C4orf36: variants seen among roughly 807,000 people sequenced by gnomAD.
C4orf36 encodes chromosome 4 open reading frame 36, also known as uncharacterized protein C4orf36.
C4orf36 carries 11 observed loss-of-function variants against 12.2 expected under a neutral mutation model. The observed-to-expected ratio is 0.90, with a 90% confidence interval of 0.57 to 1.49. C4orf36 has a LOEUF of 1.49. Ranked by LOEUF, C4orf36 falls within the 40% of genes most tolerant of loss-of-function variation. The pLI is 0.00. For synonymous variants in C4orf36, 54 were observed against 51.3 expected (o/e 1.05, Z -0.22); for missense variants, 137 against 133.9 (o/e 1.02, Z -0.11).
At chr4:86,910,851 G>C in the C4orf36 span, among the ~76,000 whole-genome samples, 1 of 152,068 alleles carries the variant, frequency 6.6e-6, no homozygotes, top group African/African-American at 2.4e-5. Context: ...GGATCACGAG[G>C]TCAAGAGATC....
At chr4:86,901,279 G>A in the C4orf36 span, among the ~76,000 whole-genome samples, 6 of 152,078 alleles carry the variant, frequency 3.9e-5, no homozygotes, top group African/African-American at 1.4e-4. Context: ...ACTGAGCCCG[G>A]CCAATGGTTC....
chr4:86,906,226 T>C, the C4orf36 span, among the ~76,000 whole-genome samples: 2 of 152,168 alleles, frequency 1.3e-5, no homozygotes, highest in African/African-American at 2.4e-5. Flanking sequence ...TTAAAATCAA[T>C]GTTTATTAAA....
At chr4:86,923,837 CTTAT>C in the C4orf36 span, among the ~76,000 whole-genome samples, 1 of 151,454 alleles carries the variant, frequency 6.6e-6, no homozygotes, top group African/African-American at 2.4e-5. Context: ...ACACCATAAG[CTTAT>C]TTATTTTCTC....
chr4:86,931,239 CTT>C, the C4orf36 span, among the ~76,000 whole-genome samples: 1 of 152,124 alleles, frequency 6.6e-6, no homozygotes, highest in East Asian at 1.9e-4. Flanking sequence ...CGCTCCTCCT[CTT>C]GATTTCTGTT....
the C4orf36 span, among the ~76,000 whole-genome samples, chr4:86,929,801 G>A: frequency 8.5e-5 from 13 of 152,224 alleles, no homozygotes; most frequent in Non-Finnish European, 1.6e-4. Flanking sequence ...ATAAGGAAGG[G>A]AGAGATTTAA....
the C4orf36 span, among the ~76,000 whole-genome samples, chr4:86,930,624 T>C: frequency 2.6e-5 from 4 of 152,268 alleles, no homozygotes; most frequent in African/African-American, 9.6e-5. Flanking sequence ...TGTGTTTTGT[T>C]CCAGCTGCAC....
chr4:86,913,550 G>T, the C4orf36 span: 4 of 1,023,004 alleles, frequency 3.9e-6, no homozygotes, highest in South Asian at 1.4e-5. Flanking sequence ...CGAAAAGAGC[G>T]TTGGGCAGCA....
upstream of C4orf36, among the ~76,000 whole-genome samples, chr4:86,894,770 G>C (rs116762114): frequency 2.5e-3 from 386 of 152,270 alleles, 2 homozygotes; most frequent in African/African-American, 9.1e-3. Context: ...CACCCTAGGA[G>C]AGACTGGCTG....
At chr4:86,880,489 G>A (rs1048439697) in intron 4 of C4orf36, among the ~76,000 whole-genome samples, 5 of 152,086 alleles carry the variant, frequency 3.3e-5, no homozygotes, top group African/African-American at 1.2e-4. Context: ...AAGGGAGTGA[G>A]GTAATATATT....
chr4:86,931,105 G>A, the C4orf36 span, among the ~76,000 whole-genome samples: 5 of 152,136 alleles, frequency 3.3e-5, no homozygotes, highest in Admixed American at 1.3e-4. Context: ...CCTACCCACC[G>A]CATTTAGGAT....
chr4:86,914,254 T>C, the C4orf36 span: 2 of 1,602,756 alleles, frequency 1.2e-6, no homozygotes, highest in Middle Eastern at 1.7e-4. Context: ...TCTTTCTGAC[T>C]CCAGACATAG....
the C4orf36 span, among the ~76,000 whole-genome samples, chr4:86,918,723 G>A: frequency 6.6e-6 from 1 of 152,082 alleles, no homozygotes; most frequent in Non-Finnish European, 1.5e-5. Flanking sequence ...GGAACCCAGG[G>A]GATTTCCTGG....
intron 4 of C4orf36, among the ~76,000 whole-genome samples, chr4:86,885,765 C>T (rs977359435): frequency 6.6e-6 from 1 of 152,172 alleles, no homozygotes; most frequent in Non-Finnish European, 1.5e-5. Context: ...GAGGGCATCC[C>T]TGTCTTGTGC....
chr4:86,876,344 C>T lies in C4orf36; in HGVS notation c.*102G>A. ...GGGGGCCGGGCCAGGATGGCTGCAG[C>T]GCAGCGACGGCCGGGGCCGGGAGCG... On this transcript the variant is annotated 3_prime_UTR_variant, in exon 5 of 5. Transcript: ENST00000295898. 6.5e-7 allele frequency: 1 copy of T among 1,544,962 alleles called. No homozygotes were observed.
chr4:86,888,421 G>GT, intron 2 of C4orf36, 146 bp from the exon 3 acceptor site: 1 of 676,590 alleles, frequency 1.5e-6, no homozygotes, highest in South Asian at 2.0e-5. Flanking sequence ...ATTTTCCAGA[G>GT]TTGTAGTTCC....
the C4orf36 span, among the ~76,000 whole-genome samples, chr4:86,898,281 A>G: frequency 6.6e-6 from 1 of 152,228 alleles, no homozygotes; most frequent in Admixed American, 6.5e-5. Context: ...AGTCCCAGCT[A>G]CTTGGGAAGC....
upstream of C4orf36, among the ~76,000 whole-genome samples, chr4:86,892,961 T>G (rs1747486159): frequency 6.6e-6 from 1 of 152,220 alleles, no homozygotes; most frequent in Admixed American, 6.5e-5. Context: ...AGAACTGGTT[T>G]GGAATTCTAG....
chr4:86,901,430 C>T, the C4orf36 span, among the ~76,000 whole-genome samples: 1 of 151,620 alleles, frequency 6.6e-6, no homozygotes, highest in Non-Finnish European at 1.5e-5. Context: ...TTTTTTGAGA[C>T]GGAGTCTCTA....
chr4:86,910,957 C>CCTGT, the C4orf36 span, among the ~76,000 whole-genome samples: 1 of 151,830 alleles, frequency 6.6e-6, no homozygotes, highest in Admixed American at 6.6e-5. Context: ...GTGGCTTGCA[C>CCTGT]CTGTAGTCCC....
Sources: gnomAD v4.1 joint callset for allele counts (sites outside exome capture counted in the v4.1 genomes callset) on GRCh38, gnomAD v4.1.1 for gene constraint, MANE v1.5 for transcripts, NCBI Gene and HGNC (gene_info 2026-07-23, HGNC 2026-07-21) for gene names.